The following KNOP1 variants were observed in gnomAD, a reference collection of about 807,000 sequenced individuals.
KNOP1 encodes lysine-rich nucleolar protein 1.
A neutral mutation model predicts 30.6 loss-of-function variants in KNOP1; 20 were observed. The ratio of observed to expected loss-of-function variants is 0.65; its 90% CI spans 0.46 to 0.95. The LOEUF (loss-of-function observed/expected upper bound fraction) is 0.95. Ranked by LOEUF, KNOP1 falls within the 40% of genes least tolerant of loss-of-function variation. KNOP1 has a pLI of 0.00. For synonymous variants in KNOP1, 204 were observed against 210.0 expected (o/e 0.97, Z 0.25); for missense variants, 540 against 562.0 (o/e 0.96, Z 0.40).
intron 1 of KNOP1, 187 bp from the exon 2 acceptor site, chr16:19,715,224 C>A (rs975391515): frequency 4.0e-6 from 2 of 504,088 alleles, no homozygotes; most frequent in Non-Finnish European, 3.5e-6. Flanking sequence ...TAAATCCACA[C>A]AGCCCTAGGT....
In KNOP1 at chr16:19,706,927, C is replaced by G. The variant is rs757506952; in HGVS notation, c.1360G>C (p.Val454Leu). ...TCTAGAGTTTAATCTTCCAGCTTGA[C>G]TGACTTGGAAGCGTTCCTGTCAATG... is the stretch of plus-strand genomic sequence containing the variant. ...FYIDRNASKSVKLED is the reference protein window; with the variant it reads ...FYIDRNASKSLKLED The change falls in exon 5 of 5, where the codon GTC becomes CTC. Residue 454 changes from valine to leucine, a missense_variant. Coordinates refer to ENST00000219837, the MANE Select transcript of KNOP1 (RefSeq NM_001012991.3). 43 of 1,612,384 alleles carry G rather than the reference C, an allele frequency of 2.7e-5. No individual in the cohort carries two copies. In the South Asian group the frequency reaches 4.5e-4, roughly 17 times the overall value.
Position 19,718,218 on chromosome 16 carries a change from A to G in KNOP1, c.-63T>C. The G allele has an allele frequency of 1.3e-6, 2 of 1,532,388 alleles. No individual in the cohort carries two copies. Among genetic ancestry groups the G allele is most frequent in the Non-Finnish European group, 1.8e-6 (2 of 1,142,376 alleles). The allele number at this position is 1,532,388 out of a possible 1,614,324, so 94.9% of individuals were successfully genotyped here. On this transcript the variant is annotated 5_prime_UTR_variant, in exon 1 of 5. Transcript: ENST00000219837. ...CAGCTCCGCCGTGACCCGGAAGTCC[A>G]CTTCGAGTCGCCGGCCCACCCTCTC...
Position 19,703,537 on chromosome 16 carries a change from T to C in KNOP1, c.*3373A>G, listed in dbSNP as rs912883631. The C allele has an allele frequency of 6.6e-6, 1 of 152,106 alleles. No individual in the cohort carries two copies. The highest frequency in any genetic ancestry group is 1.5e-5 in the Non-Finnish European group (1 of 68,052). 9.4% of individuals were successfully genotyped at this position (152,106 alleles called of 1,614,324 possible). On this transcript the variant is annotated 3_prime_UTR_variant, in exon 5 of 5. Transcript: ENST00000219837. ...AGGGGTGTTATTCTGCCAACTTCTT[T>C]TGTGAGGACTGTGTCTATTTGGCAA...
In KNOP1 at chr16:19,714,218, T is replaced by C. The variant is rs564421005; in HGVS notation, c.818A>G (p.Lys273Arg). 1.2e-6 allele frequency: 2 copies of C among 1,614,144 alleles called. No individual in the cohort carries two copies. The highest frequency in any genetic ancestry group is 2.2e-5 in the South Asian group (2 of 91,076). Residue 273 changes from lysine to arginine, a missense_variant, in exon 2 of 5, where the codon AAA becomes AGA. Coordinates refer to ENST00000219837, the MANE Select transcript of KNOP1 (RefSeq NM_001012991.3). ...GATGACTGGCTGCTCTACCTTCTTT[T>C]TGGACTTCATCTTTTTCTTTGCGGA... The part of the protein sequence containing the change: ...KASAKKKMKS[K>R]KKVEQPVIEE...
At position 19,706,678 on chromosome 16, in the gene KNOP1, C is replaced by T; in HGVS notation, c.*232G>A. ...TAGTTGTCCTCGTCCTTAATCTCCACAGGTGTTCAATGTGAGCCAACTGTC... is the reference window on the plus strand; with the variant it reads ...TAGTTGTCCTCGTCCTTAATCTCCATAGGTGTTCAATGTGAGCCAACTGTC... On this transcript the variant is annotated 3_prime_UTR_variant, in exon 5 of 5. Coordinates refer to ENST00000219837, the MANE Select transcript of KNOP1 (RefSeq NM_001012991.3). 1 of 534,340 alleles carries T rather than the reference C, an allele frequency of 1.9e-6. No homozygotes were observed. The highest frequency in any genetic ancestry group is 3.3e-6 in the Non-Finnish European group (1 of 302,816). 33.1% of individuals were successfully genotyped at this position (534,340 alleles called of 1,614,324 possible). A position where few individuals can be genotyped will look rare whatever the true frequency, so the allele number is the denominator to read the frequency against.
At position 19,702,937 on chromosome 16, in the gene KNOP1, G is replaced by GTGAGC. The variant is rs1397961377; in HGVS notation, c.*3968_*3972dup. ...TTGAACCCTGGAGGTGGAGGTTGCA[G>GTGAGC]TGAGCTGAGATCACGCCTCTGCACT... On this transcript the variant is annotated 3_prime_UTR_variant, in exon 5 of 5. Coordinates refer to ENST00000219837, the MANE Select transcript of KNOP1 (RefSeq NM_001012991.3). The GTGAGC allele has an allele frequency of 6.6e-6, 1 of 152,046 alleles. No individual in the cohort carries two copies. The highest frequency in any genetic ancestry group is 1.9e-4 in the East Asian group (1 of 5,196). The allele number at this position is 152,046 out of a possible 1,614,324, so 9.4% of individuals were successfully genotyped here.
chr16:19,716,967 C>T (rs958355826), intron 1 of KNOP1, among the ~76,000 whole-genome samples: 32 of 152,174 alleles, frequency 2.1e-4, no homozygotes, highest in Admixed American at 1.3e-3. Context: ...CTCAGCCTCC[C>T]GAGTAGCCGG....
At chr16:19,710,692 A>G in intron 3 of KNOP1, 106 bp from the exon 4 acceptor site, 2 of 846,294 alleles carry the variant, frequency 2.4e-6, no homozygotes, top group Non-Finnish European at 4.0e-6. Flanking sequence ...GGGAGGAACT[A>G]ACACAGCTTG....
rs1826377440 is a variant in KNOP1 at position 19,714,840 on chromosome 16, T to C, written c.196A>G (p.Lys66Glu). Residue 66 changes from lysine (K) to glutamate (E), a missense_variant, in exon 2 of 5, where the codon AAA becomes GAA. Physicochemically the swap from Lys to Glu is moderately conservative, Grantham distance 56 (BLOSUM62 1). Coordinates refer to ENST00000219837, the MANE Select transcript of KNOP1 (RefSeq NM_001012991.3). ...GQAPEMPLVK[K>E]KKKKKKGVST... ...ACACCCTTCTTTTTCTTCTTCTTTTTCTTCACTAGAGGCATCTCAGGTGCC... is the reference window on the plus strand; with the variant it reads ...ACACCCTTCTTTTTCTTCTTCTTTTCCTTCACTAGAGGCATCTCAGGTGCC... The C allele has an allele frequency of 1.9e-6, 3 of 1,613,750 alleles. No individual in the cohort carries two copies. The highest frequency in any genetic ancestry group is 1.7e-6 in the Non-Finnish European group (2 of 1,179,914).
At chr16:19,717,695 G>T in intron 1 of KNOP1, 2 of 986,246 alleles carry the variant, frequency 2.0e-6, no homozygotes, top group Non-Finnish European at 2.4e-6. Context: ...TAAATTCCAG[G>T]GACAGCCTTG....
At position 19,714,746 on chromosome 16, in the gene KNOP1, G is replaced by C; in HGVS notation, c.290C>G (p.Pro97Arg). The change falls in exon 2 of 5, where the codon CCC (proline) becomes CGC (arginine). Residue 97 changes from proline (P) to arginine (R), a missense_variant. Transcript: ENST00000219837. ...GCCAAACACCTGCTTCCTGAGGCTG[G>C]GTGACTTCTCTGTCCGTCTAGCAGG... ...TLPARRTEKS[P>R]SLRKQVFGHL... is the part of the protein sequence containing the mutation. The C allele has an allele frequency of 2.5e-6, 4 of 1,614,082 alleles. No individual in the cohort carries two copies. The highest frequency in any genetic ancestry group is 3.4e-6 in the Non-Finnish European group (4 of 1,180,018).
Position 19,711,369 on chromosome 16 carries a change from T to C in KNOP1, c.987+3A>G. On this transcript the variant is annotated splice_donor_region_variant and intron_variant, in intron 3 of 4. Coordinates refer to ENST00000219837, the MANE Select transcript of KNOP1 (RefSeq NM_001012991.3). ...AGGGGCCTGAGGAGGGTCTGGGCTG[T>C]ACCTGGTCTATGTGCGCCTCATCCA... The C allele has an allele frequency of 6.2e-7, 1 of 1,613,944 alleles. No homozygotes were observed. Among genetic ancestry groups the C allele is most frequent in the Non-Finnish European group, 8.5e-7 (1 of 1,179,986 alleles).
intron 4 of KNOP1, among the ~76,000 whole-genome samples, chr16:19,707,722 C>A (rs949509043): frequency 3.3e-5 from 4 of 120,100 alleles, no homozygotes; most frequent in Admixed American, 8.1e-5. Context: ...ACACTCCCCC[C>A]ACGACCCTAC....
intron 4 of KNOP1, among the ~76,000 whole-genome samples, chr16:19,708,840 G>A (rs56064636): frequency 6.6e-6 from 1 of 151,934 alleles, no homozygotes; most frequent in African/African-American, 2.4e-5. Flanking sequence ...CACCCCACAT[G>A]GGTTTTGGGG....
intron 4 of KNOP1, among the ~76,000 whole-genome samples, chr16:19,709,432 G>A (rs1380448194): frequency 1.3e-5 from 2 of 152,132 alleles, no homozygotes; most frequent in Admixed American, 1.3e-4. Flanking sequence ...TCTATCCTCT[G>A]CCACCATCCT....
rs1976201162 is a variant in KNOP1 at position 19,702,475 on chromosome 16, T to G, written c.*4435A>C. On this transcript the variant is annotated 3_prime_UTR_variant, in exon 5 of 5. Transcript: ENST00000219837. ...ACCGCTCTCACATTACACCTGAACT[T>G]GGACTTTCACATGAGGTCGGGCACC... is the stretch of plus-strand genomic sequence containing the variant. The G allele has an allele frequency of 6.6e-6, 1 of 152,300 alleles. No individual in the cohort carries two copies. The highest frequency in any genetic ancestry group is 1.9e-4 in the East Asian group (1 of 5,182). 9.4% of individuals were successfully genotyped at this position (152,300 alleles called of 1,614,324 possible). A position where few individuals can be genotyped will look rare whatever the true frequency, so the allele number is the denominator to read the frequency against.
chr16:19,710,134 C>T (rs945538924), intron 4 of KNOP1: 14 of 303,586 alleles, frequency 4.6e-5, no homozygotes, highest in Non-Finnish European at 7.8e-5. Context: ...GCCGCGACCA[C>T]TCCCTCCCCT....
At position 19,714,710 on chromosome 16, in the gene KNOP1, A is replaced by G. The variant is rs746019580; in HGVS notation, c.326T>C (p.Phe109Ser). The G allele has an allele frequency of 6.1e-5, 99 of 1,613,968 alleles. No homozygotes were observed. The highest frequency in any genetic ancestry group is 1.1e-4 in the African/African-American group (8 of 74,864). ...LRKQVFGHLE[F>S]LSGEKKNKKS... ...CTTATTTTTCTTTTCCCCACTGAGGAACTCCAAGTGGCCAAACACCTGCTT... is the reference window on the plus strand; with the variant it reads ...CTTATTTTTCTTTTCCCCACTGAGGGACTCCAAGTGGCCAAACACCTGCTT... The change falls in exon 2 of 5, where the codon TTC (phenylalanine) becomes TCC (serine). Residue 109 changes from phenylalanine (F) to serine (S), a missense_variant. Phe to Ser is a radical substitution (Grantham distance 155). Coordinates refer to ENST00000219837, the MANE Select transcript of KNOP1 (RefSeq NM_001012991.3).
chr16:19,711,265 T>TG (rs1314720927), intron 3 of KNOP1, 107 bp downstream of exon 3: 2 of 1,113,898 alleles, frequency 1.8e-6, no homozygotes, highest in African/African-American at 3.1e-5. Context: ...CTGGAGTCCC[T>TG]GGTGCCCCTG....
Sources: gnomAD v4.1 joint callset for allele counts (sites outside exome capture counted in the v4.1 genomes callset) on GRCh38, gnomAD v4.1.1 for gene constraint, MANE v1.5 for transcripts, NCBI Gene and HGNC (gene_info 2026-07-23, HGNC 2026-07-21) for gene names.